SCN7A: variants seen among roughly 807,000 people sequenced by gnomAD.
The protein encoded by SCN7A is sodium voltage-gated channel alpha subunit 7.
Under a neutral mutation model 155.2 loss-of-function variants are expected in SCN7A, and 138 were observed. That is an observed-to-expected ratio of 0.89 (90% CI 0.77 to 1.02). SCN7A has a LOEUF of 1.02. SCN7A is among the 50% of genes least tolerant of loss of function. The pLI is 0.00. For missense variants in SCN7A, 2,058 were observed against 1,986.6 expected (o/e 1.04, Z -0.68); for synonymous variants, 693 against 649.0 (o/e 1.07, Z -1.03).
chr2:166,444,662 G>A (rs1702024056), intron 13 of SCN7A, 100 bp downstream of exon 13: 4 of 684,310 alleles, frequency 5.8e-6, no homozygotes, highest in African/African-American at 1.8e-5. Context: ...GCAACATATT[G>A]GAGTTACAGA....
intron 21 of SCN7A, among the ~76,000 whole-genome samples, chr2:166,414,303 T>G (rs1227665149): frequency 4.0e-4 from 38 of 94,814 alleles, no homozygotes; most frequent in African/African-American, 1.4e-3. Context: ...CATATATATA[T>G]ATATATATAC....
rs1192214807 is a variant in SCN7A at position 166,409,918 on chromosome 2, G to A, written c.3729C>T (p.Phe1243=). ...CTTGGCTTGTTACCACATCAAAGATGAATCCTTGGAGCTTGTTCTGTGGGT... is the reference window on the plus strand; with the variant it reads ...CTTGGCTTGTTACCACATCAAAGATAAATCCTTGGAGCTTGTTCTGTGGGT... ...VPRPLNKLQG[F]IFDVVTSQAF... The change falls in exon 25 of 26, where the codon TTC becomes TTT. Residue 1243 remains phenylalanine, a synonymous_variant. Coordinates refer to ENST00000643258, the MANE Select transcript of SCN7A (RefSeq NM_002976.4). 1 of 1,566,458 alleles carries A rather than the reference G, an allele frequency of 6.4e-7. No homozygotes were observed. Among genetic ancestry groups the A allele is most frequent in the Non-Finnish European group, 8.7e-7 (1 of 1,154,260 alleles).
chr2:166,441,668 C>A lies in SCN7A; in HGVS notation c.1885G>T (p.Asp629Tyr), dbSNP rs749592506. ...SLSNSWVALK[D>Y]LVLLLFTFIF... The stretch of plus-strand genomic sequence containing the variant: ...AATGTGAACAACAACAGGACCAAGT[C>A]TTTCAGGGCCACCCATGAGTTACTA... Residue 629 changes from aspartate to tyrosine, a missense_variant, in exon 15 of 26, where the codon GAC becomes TAC. Transcript: ENST00000643258. 6 of 1,613,860 alleles carry A rather than the reference C, an allele frequency of 3.7e-6. No homozygotes were observed. Among genetic ancestry groups the A allele is most frequent in the Non-Finnish European group, 4.2e-6 (5 of 1,179,772 alleles).
chr2:166,486,235 C>T (rs1703044871), intron 2 of SCN7A, among the ~76,000 whole-genome samples: 1 of 152,116 alleles, frequency 6.6e-6, no homozygotes, highest in Non-Finnish European at 1.5e-5. Flanking sequence ...TCATTGTTGC[C>T]AGCTTCTCCT....
intron 11 of SCN7A, 22 bp downstream of exon 11, chr2:166,456,848 A>ATAGATAGG: frequency 8.4e-7 from 1 of 1,194,548 alleles, no homozygotes; most frequent in Non-Finnish European, 1.2e-6. Context: ...AGATAGATAG[A>ATAGATAGG]TAGATAGATA....
At chr2:166,480,718 C>G (rs1008543686) in intron 2 of SCN7A, among the ~76,000 whole-genome samples, 9 of 152,162 alleles carry the variant, frequency 5.9e-5, no homozygotes, top group African/African-American at 2.2e-4. Flanking sequence ...TTTGAATCTC[C>G]TCCTTCTATG....
At position 166,432,458 on chromosome 2, in the gene SCN7A, C is replaced by A. The variant is rs142836858; in HGVS notation, c.2452G>T (p.Ala818Ser). 9.7e-4 allele frequency: 1,573 copies of A among 1,613,570 alleles called. 3 individuals are homozygous for A. The highest frequency in any genetic ancestry group is 1.2e-3 in the Non-Finnish European group (1,464 of 1,179,646). Residue 818 changes from alanine (A) to serine (S), a missense_variant, in exon 16 of 26, where the codon GCT (alanine) becomes TCT (serine). Transcript: ENST00000643258. Reference sequence around the variant, plus strand: ...AGTGATTGGCTCTCATTTTCAGTAGCGTTTTTCTCTGTGCCACTGCTTTTT... The same window carrying A: ...AGTGATTGGCTCTCATTTTCAGTAGAGTTTTTCTCTGTGCCACTGCTTTTT... ...KEKSSGTEKNATENESQSLIP... is the reference protein window; with the variant it reads ...KEKSSGTEKNSTENESQSLIP...
chr2:166,417,500 C>T (rs1051688071), intron 20 of SCN7A, among the ~76,000 whole-genome samples: 2 of 151,730 alleles, frequency 1.3e-5, no homozygotes, highest in Non-Finnish European at 2.9e-5. Context: ...ACATTCAACT[C>T]TAGATATTCT....
intron 5 of SCN7A, among the ~76,000 whole-genome samples, chr2:166,473,496 A>C (rs1051396102): frequency 6.6e-6 from 1 of 151,672 alleles, no homozygotes; most frequent in Non-Finnish European, 1.5e-5. Context: ...AGTCCAATGC[A>C]AGTCATACTA....
rs1701058673 is a variant in SCN7A, at chr2:166,405,849, T to C, written c.4780A>G (p.Lys1594Glu). Residue 1594 changes from lysine (K) to glutamate (E), a missense_variant, in exon 26 of 26, where the codon AAA becomes GAA. Coordinates refer to ENST00000643258, the MANE Select transcript of SCN7A (RefSeq NM_002976.4). ...CCTGATTCTATTTCTGAAACAACTTTCTCCATCCTCACATCTTGACCCATA... is the reference window on the plus strand; with the variant it reads ...CCTGATTCTATTTCTGAAACAACTTCCTCCATCCTCACATCTTGACCCATA... Reference protein sequence around the residue: ...RVMGQDVRMEKVVSEIESGFL... With the variant: ...RVMGQDVRMEEVVSEIESGFL... 3.1e-6 allele frequency: 5 copies of C among 1,613,150 alleles called. No individual in the cohort carries two copies. Among genetic ancestry groups the C allele is most frequent in the Non-Finnish European group, 4.2e-6 (5 of 1,179,396 alleles).
chr2:166,462,613 C>A, intron 9 of SCN7A, 83 bp from the exon 10 acceptor site: 1 of 1,345,098 alleles, frequency 7.4e-7, no homozygotes, highest in Admixed American at 2.1e-5. Flanking sequence ...AACATCAGTC[C>A]TGAGTAATAG....
At position 166,494,056 on chromosome 2, in the gene SCN7A, C is replaced by G. The variant is rs1425488689; in HGVS notation, c.-216G>C. ...AGCCCTTTCCTCCTCCTGGGCTTCT[C>G]TTTCTCCACGGATCTCTCGGGTTTT... is the stretch of plus-strand genomic sequence containing the variant. On this transcript the variant is annotated 5_prime_UTR_variant, in exon 1 of 26. Transcript: ENST00000643258. 2 of 152,530 alleles carry G rather than the reference C, an allele frequency of 1.3e-5. No individual in the cohort carries two copies. The highest frequency in any genetic ancestry group is 4.8e-5 in the African/African-American group (2 of 41,462). 9.4% of individuals were successfully genotyped at this position (152,530 alleles called of 1,614,324 possible).
intron 17 of SCN7A, 49 bp downstream of exon 17, chr2:166,429,120 A>T (rs942627345): frequency 9.5e-7 from 1 of 1,050,486 alleles, no homozygotes; most frequent in Admixed American, 2.5e-5. Flanking sequence ...CATTTTGACA[A>T]CTTATAATTC....
intron 20 of SCN7A, among the ~76,000 whole-genome samples, chr2:166,418,750 T>C (rs1701445552): frequency 6.6e-6 from 1 of 152,160 alleles, no homozygotes; most frequent in Non-Finnish European, 1.5e-5. Context: ...TTAGAAAATC[T>C]ACATATAAAG....
At position 166,432,640 on chromosome 2, in the gene SCN7A, T is replaced by C; in HGVS notation, c.2270A>G (p.Lys757Arg). The change falls in exon 16 of 26, where the codon AAA becomes AGA. Residue 757 changes from lysine to arginine, a missense_variant. Transcript: ENST00000643258. ...NLQLAVARIK[K>R]GINYVLLKIL... Reference sequence around the variant, plus strand: ...TTTAAGAAGCACATAGTTTATTCCTTTTTTAATTCTTGCCACTGCAAGCTG... The same window carrying C: ...TTTAAGAAGCACATAGTTTATTCCTCTTTTAATTCTTGCCACTGCAAGCTG... 1 of 1,610,994 alleles carries C rather than the reference T, an allele frequency of 6.2e-7. No individual in the cohort carries two copies. Among genetic ancestry groups the C allele is most frequent in the Non-Finnish European group, 8.5e-7 (1 of 1,179,084 alleles).
chr2:166,474,142 A>G (rs1702724777), intron 4 of SCN7A, 84 bp downstream of exon 4: 2 of 632,202 alleles, frequency 3.2e-6, no homozygotes, highest in Middle Eastern at 4.5e-4. Context: ...AAAGAGAAAA[A>G]TACTGCAGAA....
At chr2:166,440,310 A>G (rs2105430890) in intron 15 of SCN7A, among the ~76,000 whole-genome samples, 2 of 152,322 alleles carry the variant, frequency 1.3e-5, no homozygotes. Context: ...CAAAGCCAGG[A>G]AAAGACTGAC....
intron 11 of SCN7A, among the ~76,000 whole-genome samples, chr2:166,451,616 T>C (rs1236685339): frequency 1.3e-5 from 2 of 152,194 alleles, no homozygotes; most frequent in East Asian, 3.9e-4. Flanking sequence ...GGTTACTCTT[T>C]CCTGCAGCCA....
At chr2:166,489,644 A>G (rs1360892577) in intron 1 of SCN7A, among the ~76,000 whole-genome samples, 1 of 152,160 alleles carries the variant, frequency 6.6e-6, no homozygotes. Context: ...TTTGGCGTTG[A>G]TGATCTGATG....
Sources: gnomAD v4.1 joint callset for allele counts (sites outside exome capture counted in the v4.1 genomes callset) on GRCh38, gnomAD v4.1.1 for gene constraint, MANE v1.5 for transcripts, NCBI Gene and HGNC (gene_info 2026-07-23, HGNC 2026-07-21) for gene names.